The following LRP2 variants were observed in gnomAD, a reference collection of about 807,000 sequenced individuals.
LRP2 encodes low-density lipoprotein receptor-related protein 2.
In LRP2, 172 loss-of-function variants were observed where a neutral mutation model predicts 531.0. The observed-to-expected ratio is 0.32, with a 90% CI of 0.29 to 0.37. LRP2 has a LOEUF of 0.37. Among genes scored for constraint, LRP2 ranks in the 10% least tolerant of loss-of-function variants. The pLI, the probability that LRP2 is intolerant of heterozygous loss-of-function variation, is 1.00. For missense variants in LRP2, 5,167 were observed against 5,868.3 expected (o/e 0.88, Z 3.90); for synonymous variants, 1,992 against 2,027.6 (o/e 0.98, Z 0.47).
At chr2:169,289,355 G>T (rs959798493) in intron 8 of LRP2, among the ~76,000 whole-genome samples, 2 of 152,128 alleles carry the variant, frequency 1.3e-5, no homozygotes, top group Admixed American at 6.5e-5. Context: ...ATCAAGACCA[G>T]CCTGGGTAAT....
rs1688288237 is a variant in LRP2 at position 169,203,945 on chromosome 2, A to C, written c.8005+37T>G. The C allele has an allele frequency of 3.1e-6, 5 of 1,608,458 alleles. No homozygotes were observed. The South Asian group carries it at 4.4e-5, about 14-fold the overall frequency. Reference sequence around the variant, plus strand: ...CTTACCAATTGGTATTGTGATCATTATTCTCCATGTTCTAATTTTCATGGT... The same window carrying C: ...CTTACCAATTGGTATTGTGATCATTCTTCTCCATGTTCTAATTTTCATGGT... On this transcript the variant is annotated intron_variant, in intron 42 of 78. Transcript: ENST00000649046.
intron 16 of LRP2, among the ~76,000 whole-genome samples, chr2:169,268,443 C>T (rs1243962772): frequency 1.3e-5 from 2 of 152,206 alleles, no homozygotes; most frequent in African/African-American, 2.4e-5. Flanking sequence ...TGATGCAATG[C>T]TGGTTCAGCA....
chr2:169,212,368 G>A (rs1293255647), intron 36 of LRP2, among the ~76,000 whole-genome samples, 161 bp from the exon 37 acceptor site: 2 of 152,198 alleles, frequency 1.3e-5, no homozygotes, highest in East Asian at 3.9e-4. Flanking sequence ...AGAGACTAGA[G>A]CTTATACAAT....
At position 169,157,461 on chromosome 2, in the gene LRP2, G is replaced by C; in HGVS notation, c.11929C>G (p.Gln3977Glu). 1 of 1,613,092 alleles carries C rather than the reference G, an allele frequency of 6.2e-7. No homozygotes were observed. The highest frequency in any genetic ancestry group is 8.5e-7 in the Non-Finnish European group (1 of 1,179,412). ...ERTCAENICE[Q>E]NCTQLNEGGF... ...CCTTCATTTAATTGGGTACAATTTT[G>C]CTCGCATATATTTTCAGCACATGTT... Residue 3977 changes from glutamine to glutamate, a missense_variant, in exon 64 of 79, where the codon CAA becomes GAA. Physicochemically the swap from Gln to Glu is conservative, Grantham distance 29 (BLOSUM62 2). Coordinates refer to ENST00000649046, the MANE Select transcript of LRP2 (RefSeq NM_004525.3).
chr2:169,301,236 CTG>C (rs1474585539), intron 4 of LRP2, among the ~76,000 whole-genome samples: 4 of 151,966 alleles, frequency 2.6e-5, no homozygotes, highest in Non-Finnish European at 4.4e-5. Context: ...CAGAAAAAAA[CTG>C]TACTATTTTT....
At chr2:169,176,770 C>T (rs1240741028) in intron 53 of LRP2, among the ~76,000 whole-genome samples, 182 bp from the exon 54 acceptor site, 2 of 152,142 alleles carry the variant, frequency 1.3e-5, no homozygotes, top group African/African-American at 2.4e-5. Context: ...CAAGCAACAA[C>T]CCTGTGCTTT....
At position 169,283,020 on chromosome 2, in the gene LRP2, A is replaced by G. The variant is rs374755698; in HGVS notation, c.1043-19T>C. 74 of 1,613,486 alleles carry G rather than the reference A, an allele frequency of 4.6e-5. No individual in the cohort carries two copies. Among genetic ancestry groups the G allele is most frequent in the Non-Finnish European group, 5.8e-5 (69 of 1,179,694 alleles). On this transcript the variant is annotated intron_variant, in intron 9 of 78. Coordinates refer to ENST00000649046, the MANE Select transcript of LRP2 (RefSeq NM_004525.3). ...TCAAACTCTGCCATATGGAAAATAC[A>G]CATTTGTAGTCAAGGTTATCAGCAT...
Position 169,236,003 on chromosome 2 carries a change from C to A in LRP2, c.4757G>T (p.Gly1586Val), listed in dbSNP as rs745478626. Reference sequence around the variant, plus strand: ...CTGGACAATGACAGTGCGCATGCTGCCGTCCATGCTGGCTCGCTCGATGCG... The same window carrying A: ...CTGGACAATGACAGTGCGCATGCTGACGTCCATGCTGGCTCGCTCGATGCG... ...HPRIERASMD[G>V]SMRTVIVQDK... The change falls in exon 29 of 79, where the codon GGC (glycine) becomes GTC (valine). Residue 1586 changes from glycine (G) to valine (V), a missense_variant. This residue lies in a region of LRP2 where 2,811 missense variants were observed against 3,058.0 expected (regional missense o/e 0.92). Transcript: ENST00000649046. The A allele has an allele frequency of 6.2e-7, 1 of 1,614,202 alleles. No individual in the cohort carries two copies. Among genetic ancestry groups the A allele is most frequent in the Non-Finnish European group, 8.5e-7 (1 of 1,180,036 alleles).
In LRP2 at chr2:169,345,741, AAG is replaced by A. The variant is rs557174067; in HGVS notation, c.79+16578_79+16579del. ...CCCCTTGGCCCCACCTCAAAAGGAAAAGAGGGGGCGGTCAAAAAAAAAAAAAA... is the reference window on the plus strand; with the variant it reads ...CCCCTTGGCCCCACCTCAAAAGGAAAAGGGGGCGGTCAAAAAAAAAAAAAA... On this transcript the variant is annotated intron_variant, in intron 1 of 78. Coordinates refer to ENST00000649046, the MANE Select transcript of LRP2 (RefSeq NM_004525.3). Among the ~76,000 whole-genome samples, 318 of 138,090 alleles carry A rather than the reference AAG, an allele frequency of 2.3e-3. 1 individual carries two copies. Among genetic ancestry groups the A allele is most frequent in the Admixed American group, 3.1e-3 (44 of 14,138 alleles). The allele number at this position is 138,090 out of a possible 152,430, so 90.6% of individuals were successfully genotyped here.
intron 71 of LRP2, 88 bp downstream of exon 71, chr2:169,142,586 G>C: frequency 6.3e-7 from 1 of 1,578,740 alleles, no homozygotes; most frequent in Non-Finnish European, 8.7e-7. Context: ...CTGCTGCAAA[G>C]GACCCAGCAT....
At chr2:169,360,983 G>C (rs1239736171) in intron 1 of LRP2, among the ~76,000 whole-genome samples, 2 of 152,188 alleles carry the variant, frequency 1.3e-5, no homozygotes, top group Non-Finnish European at 2.9e-5. Flanking sequence ...GTAAATGGGG[G>C]CTTCCACATT....
chr2:169,181,530 T>G lies in LRP2; in HGVS notation c.10087A>C (p.Lys3363Gln), dbSNP rs1687430698. The change falls in exon 52 of 79, where the codon AAG becomes CAG. Residue 3363 changes from lysine to glutamine, a missense_variant. Around this residue, in one of 6 missense-constraint regions of LRP2, gnomAD observed 1,129 missense variants for 1,362.7 expected, o/e 0.83. Coordinates refer to ENST00000649046, the MANE Select transcript of LRP2 (RefSeq NM_004525.3). ...GTGATGCCATTAGGCCACTCTAACT[T>G]GGTGGAGATTATCACAGACTTGTTG... ...GTNKSVIIST[K>Q]LEWPNGITID... The G allele has an allele frequency of 1.9e-6, 3 of 1,614,080 alleles. No individual in the cohort carries two copies. The highest frequency in any genetic ancestry group is 1.7e-6 in the Non-Finnish European group (2 of 1,180,034).
chr2:169,149,485 T>C (rs1413139862), intron 68 of LRP2, among the ~76,000 whole-genome samples: 3 of 152,154 alleles, frequency 2.0e-5, no homozygotes, highest in Non-Finnish European at 2.9e-5. Context: ...TCTTACTTCC[T>C]ATCCCTCACA....
chr2:169,203,772 G>T (rs898558749), intron 42 of LRP2, among the ~76,000 whole-genome samples: 8 of 152,190 alleles, frequency 5.3e-5, no homozygotes, highest in Admixed American at 1.3e-4. Flanking sequence ...TAAAATAAAA[G>T]AAAATGCTTT....
chr2:169,276,576 A>G (rs830998), intron 13 of LRP2, among the ~76,000 whole-genome samples: 1 of 151,932 alleles, frequency 6.6e-6, no homozygotes, highest in South Asian at 2.1e-4. Flanking sequence ...ATATTAATAC[A>G]CAATACTTCA....
rs1349651837 is a variant in LRP2, at chr2:169,231,694, A to G, written c.5227+20T>C. 6.2e-7 allele frequency: 1 copy of G among 1,613,656 alleles called. No individual in the cohort carries two copies. Among genetic ancestry groups the G allele is most frequent in the South Asian group, 1.1e-5 (1 of 91,054 alleles). On this transcript the variant is annotated intron_variant, in intron 31 of 78. Transcript: ENST00000649046. ...ATGACCAGCTCCATCTTCAGAGCTC[A>G]CATAAGGAGCATACTATACCTCTCA...
intron 14 of LRP2, among the ~76,000 whole-genome samples, chr2:169,273,838 A>G (rs916449843): frequency 6.6e-6 from 1 of 152,204 alleles, no homozygotes; most frequent in Admixed American, 6.5e-5. Context: ...GAAAATAGTA[A>G]TTTGAGTGAT....
At chr2:169,309,467 G>T (rs1158504654) in intron 3 of LRP2, among the ~76,000 whole-genome samples, 80 of 152,198 alleles carry the variant, frequency 5.3e-4, no homozygotes, top group Non-Finnish European at 1.0e-3. Flanking sequence ...CCAACACCAT[G>T]TATTAAATAG....
In LRP2 at chr2:169,128,456, A is replaced by ATAT. The variant is rs1168478951; in HGVS notation, c.*204_*206dup. 7 of 540,414 alleles carry ATAT rather than the reference A, an allele frequency of 1.3e-5. No individual in the cohort carries two copies. The highest frequency in any genetic ancestry group is 2.3e-5 in the Non-Finnish European group (7 of 303,224). 33.5% of individuals were successfully genotyped at this position (540,414 alleles called of 1,614,324 possible). ...ACCTTCAGACAACTTCAGTGCAAAG[A>ATAT]TATACATATAGTACATTGTGATAAT... is the stretch of plus-strand genomic sequence containing the variant. On this transcript the variant is annotated 3_prime_UTR_variant, in exon 79 of 79. Coordinates refer to ENST00000649046, the MANE Select transcript of LRP2 (RefSeq NM_004525.3).
Sources: gnomAD v4.1 joint callset for allele counts (sites outside exome capture counted in the v4.1 genomes callset) on GRCh38, gnomAD v4.1.1 for gene constraint, gnomAD v4.1.1 regional missense constraint, MANE v1.5 for transcripts, NCBI Gene and HGNC (gene_info 2026-07-23, HGNC 2026-07-21) for gene names.